The following MYCBP2 variants were observed in gnomAD, a reference collection of about 807,000 sequenced individuals.
The protein encoded by MYCBP2 is E3 ubiquitin-protein ligase MYCBP2.
In MYCBP2, 120 loss-of-function variants were observed where a neutral mutation model predicts 525.3. That is an observed-to-expected ratio of 0.23 (90% CI 0.20 to 0.27). The LOEUF (loss-of-function observed/expected upper bound fraction) is 0.27. MYCBP2 is among the 10% of genes least tolerant of loss of function. The pLI, the probability that MYCBP2 is intolerant of heterozygous loss-of-function variation, is 1.00. For synonymous variants in MYCBP2, 1,894 were observed against 1,955.8 expected, an observed-to-expected ratio of 0.97 and a Z score of 0.83; for missense variants, 4,149 against 5,657.1, an observed-to-expected ratio of 0.73 and a Z score of 8.55.
intron 18 of MYCBP2, among the ~76,000 whole-genome samples, chr13:77,226,128 C>T (rs938013573): frequency 2.0e-5 from 3 of 152,132 alleles, no homozygotes; most frequent in African/African-American, 7.2e-5. Context: ...TATTCTTATT[C>T]ATGTTTCCTG....
At chr13:77,286,959 A>C (rs528833298) in intron 3 of MYCBP2, among the ~76,000 whole-genome samples, 2 of 148,200 alleles carry the variant, frequency 1.3e-5, no homozygotes. Flanking sequence ...ATCTCGGCTC[A>C]CTGCAAGCTC....
intron 20 of MYCBP2, among the ~76,000 whole-genome samples, chr13:77,221,316 G>A (rs898933995): frequency 2.0e-5 from 3 of 152,134 alleles, no homozygotes; most frequent in African/African-American, 4.8e-5. Context: ...CTTGGGAATC[G>A]AAGAATGGTG....
chr13:77,093,084 T>G (rs568067530), intron 59 of MYCBP2, 81 bp downstream of exon 59: 90 of 1,367,948 alleles, frequency 6.6e-5, no homozygotes, highest in Non-Finnish European at 8.7e-5. Flanking sequence ...ATTAAAGAAC[T>G]TCTACAGGAC....
chr13:77,184,852 C>A (rs1377020237), intron 32 of MYCBP2, among the ~76,000 whole-genome samples: 1 of 152,196 alleles, frequency 6.6e-6, no homozygotes, highest in African/African-American at 2.4e-5. Context: ...CTCTCCCTCT[C>A]TCAGAATCAC....
chr13:77,160,279 C>T (rs1455547864), intron 44 of MYCBP2, among the ~76,000 whole-genome samples: 2 of 152,148 alleles, frequency 1.3e-5, no homozygotes. Context: ...GAACAAATCC[C>T]AGTGCAGTTG....
At position 77,289,987 on chromosome 13, in the gene MYCBP2, A is replaced by T. The variant is rs1594699281; in HGVS notation, c.379-1611T>A. ...CAAACCACATATCCAACAAAGGATG[A>T]GTATTCAGAATATATAAAGAATTCT... is the stretch of plus-strand genomic sequence containing the variant. On this transcript the variant is annotated intron_variant, in intron 2 of 82. Transcript: ENST00000544440. Among the ~76,000 whole-genome samples the T allele has an allele frequency of 2.6e-5, 4 of 152,338 alleles. No homozygotes were observed. In the South Asian group the frequency reaches 8.3e-4, roughly 32 times the overall value.
At position 77,191,782 on chromosome 13, in the gene MYCBP2, C is replaced by G; in HGVS notation, c.3967G>C (p.Val1323Leu). 1 of 1,614,050 alleles carries G rather than the reference C, an allele frequency of 6.2e-7. No individual in the cohort carries two copies. Among genetic ancestry groups the G allele is most frequent in the Non-Finnish European group, 8.5e-7 (1 of 1,179,976 alleles). ...TACCACCACCCAGCTTGCAGGAGAA[C>G]AGGCTCATCAAACATCATTGCATAT... ...EKYAMMFDEP[V>L]LLQAGWWYVA... The change falls in exon 28 of 83, where the codon GTT becomes CTT. Residue 1323 changes from valine (V) to leucine (L), a missense_variant. Physicochemically the swap from Val to Leu is conservative, Grantham distance 32 (BLOSUM62 1). Around this residue, in one of 21 missense-constraint regions of MYCBP2, gnomAD observed 620 missense variants for 795.5 expected, o/e 0.78. Transcript: ENST00000544440.
chr13:77,280,149 T>C (rs940975249), intron 3 of MYCBP2, among the ~76,000 whole-genome samples: 3 of 152,196 alleles, frequency 2.0e-5, no homozygotes, highest in Non-Finnish European at 4.4e-5. Flanking sequence ...GTAAGTCAAT[T>C]GTAGTTCTGA....
chr13:77,183,379 A>G (rs1254399551), intron 32 of MYCBP2, among the ~76,000 whole-genome samples: 1 of 151,976 alleles, frequency 6.6e-6, no homozygotes, highest in South Asian at 2.1e-4. Context: ...TCTTTGTGGG[A>G]AAGTTTTTGA....
At chr13:77,208,026 C>A (rs2063555955) in intron 23 of MYCBP2, among the ~76,000 whole-genome samples, 1 of 139,710 alleles carries the variant, frequency 7.2e-6, no homozygotes, top group African/African-American at 2.6e-5. Context: ...TACTTTAACT[C>A]CAAATACAAA....
chr13:77,267,548 G>A (rs2074283632), intron 8 of MYCBP2, among the ~76,000 whole-genome samples: 1 of 152,054 alleles, frequency 6.6e-6, no homozygotes, highest in Non-Finnish European at 1.5e-5. Context: ...TTTATTAAGA[G>A]CAACACAGTT....
Position 77,095,405 on chromosome 13 carries a change from C to T in MYCBP2, c.10152G>A (p.Glu3384=). ...QLPSVKEGIS[E]DLPVKMPCLY... is the part of the protein sequence containing the mutation. Reference sequence around the variant, plus strand: ...GACAAGGCATTTTCACAGGAAGATCCTCAGAAATGCCTTCTTTTACACTGG... The same window carrying T: ...GACAAGGCATTTTCACAGGAAGATCTTCAGAAATGCCTTCTTTTACACTGG... Residue 3384 remains glutamate, a synonymous_variant, in exon 58 of 83, where the codon GAG becomes GAA. Transcript: ENST00000544440. 6.2e-7 allele frequency: 1 copy of T among 1,613,396 alleles called. No homozygotes were observed. Among genetic ancestry groups the T allele is most frequent in the Non-Finnish European group, 8.5e-7 (1 of 1,179,668 alleles).
intron 18 of MYCBP2, among the ~76,000 whole-genome samples, chr13:77,232,799 G>A (rs2067309623): frequency 6.6e-6 from 1 of 152,022 alleles, no homozygotes; most frequent in Non-Finnish European, 1.5e-5. Flanking sequence ...ATTCAAAAAA[G>A]AATTGTAAAA....
intron 52 of MYCBP2, 90 bp downstream of exon 52, chr13:77,139,106 A>G: frequency 7.4e-7 from 1 of 1,347,314 alleles, no homozygotes; most frequent in South Asian, 1.6e-5. Context: ...GTTGTGGGTT[A>G]CCTCAGAACT....
chr13:77,133,454 G>A (rs150054254), intron 52 of MYCBP2, among the ~76,000 whole-genome samples: 2 of 152,284 alleles, frequency 1.3e-5, no homozygotes, highest in East Asian at 3.8e-4. Flanking sequence ...AATTTTTAAT[G>A]CTTAGGAAGA....
chr13:77,061,335 C>G (rs774710126), intron 75 of MYCBP2, 34 bp from the exon 76 acceptor site: 1 of 1,543,182 alleles, frequency 6.5e-7, no homozygotes, highest in African/African-American at 1.4e-5. Flanking sequence ...GAAAAATATG[C>G]TTATTTATCA....
chr13:77,288,796 T>C (rs1465025457), intron 2 of MYCBP2, among the ~76,000 whole-genome samples: 2 of 152,170 alleles, frequency 1.3e-5, no homozygotes, highest in African/African-American at 2.4e-5. Context: ...AAAGTAGATA[T>C]AGAAGTTTAC....
At chr13:77,264,719 T>C (rs907066820) in intron 8 of MYCBP2, among the ~76,000 whole-genome samples, 7 of 152,094 alleles carry the variant, frequency 4.6e-5, no homozygotes, top group Non-Finnish European at 1.0e-4. Flanking sequence ...ACAAGCTCAA[T>C]TGTAACAAGG....
chr13:77,150,742 T>C lies in MYCBP2; in HGVS notation c.7123A>G (p.Met2375Val), dbSNP rs566781659. 2 of 1,612,422 alleles carry C rather than the reference T, an allele frequency of 1.2e-6. No homozygotes were observed. The highest frequency in any genetic ancestry group is 2.7e-5 in the African/African-American group (2 of 74,906). ...TAAGTAAAATAAATTACCTTCATCATTGTTATGGCAATATATCGAGCTTCC... is the reference window on the plus strand; with the variant it reads ...TAAGTAAAATAAATTACCTTCATCACTGTTATGGCAATATATCGAGCTTCC... ...VKEARYIAIT[M>V]MKVYENYSFE... Residue 2375 changes from methionine (M) to valine (V), a missense_variant, in exon 47 of 83, where the codon ATG (methionine) becomes GTG (valine). Transcript: ENST00000544440.
Sources: gnomAD v4.1 joint callset for allele counts (sites outside exome capture counted in the v4.1 genomes callset) on GRCh38, gnomAD v4.1.1 for gene constraint, gnomAD v4.1.1 regional missense constraint, MANE v1.5 for transcripts, NCBI Gene and HGNC (gene_info 2026-07-23, HGNC 2026-07-21) for gene names.